C10orf67: variants seen among roughly 807,000 people sequenced by gnomAD.
C10orf67 encodes the protein chromosome 10 open reading frame 67.
In C10orf67, 60 loss-of-function variants were observed where a neutral mutation model predicts 35.6. That is an observed-to-expected ratio of 1.68 (90% CI 1.37 to 2.09). The LOEUF is 2.09. C10orf67 is among the 30% of genes most tolerant of loss of function. The probability of loss-of-function intolerance (pLI) is 0.00; values close to 1 mark genes in which losing one functional copy is unlikely to be tolerated. For synonymous variants in C10orf67, 167 were observed against 115.8 expected, an observed-to-expected ratio of 1.44 and a Z score of -2.84; for missense variants, 474 against 330.2, an observed-to-expected ratio of 1.44 and a Z score of -3.38.
intron 1 of C10orf67, 39 bp downstream of exon 1, chr10:23,344,530 C>A (rs949486639): frequency 2.6e-6 from 4 of 1,544,726 alleles, no homozygotes; most frequent in Middle Eastern, 2.3e-4. Flanking sequence ...CTGGACCCTG[C>A]TCGCTTCCTC....
intron 10 of C10orf67, among the ~76,000 whole-genome samples, chr10:23,256,517 T>C (rs1330168853): frequency 1.3e-5 from 2 of 152,222 alleles, no homozygotes; most frequent in South Asian, 2.1e-4. Context: ...GAACAGTTCA[T>C]AGGTCTCGTC....
intron 15 of C10orf67, among the ~76,000 whole-genome samples, chr10:23,207,003 G>C (rs921304286): frequency 6.6e-6 from 1 of 152,196 alleles, no homozygotes; most frequent in Non-Finnish European, 1.5e-5. Flanking sequence ...AGAAAGCACT[G>C]TCATCTGATG....
intron 2 of C10orf67, among the ~76,000 whole-genome samples, chr10:23,328,093 T>C (rs559601156): frequency 6.6e-6 from 1 of 152,240 alleles, no homozygotes; most frequent in South Asian, 2.1e-4. Flanking sequence ...AAAAATACTA[T>C]ATTTCAAAGT....
intron 8 of C10orf67, among the ~76,000 whole-genome samples, chr10:23,277,756 G>T (rs115646667): frequency 7.6e-4 from 116 of 152,024 alleles, no homozygotes; most frequent in African/African-American, 2.7e-3. Flanking sequence ...TTCATATATG[G>T]TAAATATCAA....
chr10:23,251,871 G>A (rs1842463685), intron 10 of C10orf67, among the ~76,000 whole-genome samples: 1 of 152,166 alleles, frequency 6.6e-6, no homozygotes, highest in African/African-American at 2.4e-5. Context: ...ATTTTCTGCA[G>A]CTTTGAGAAA....
At chr10:23,274,234 C>T (rs373864819) in intron 8 of C10orf67, among the ~76,000 whole-genome samples, 2 of 152,256 alleles carry the variant, frequency 1.3e-5, no homozygotes, top group South Asian at 2.1e-4. Flanking sequence ...AGGTCCATGT[C>T]CCGCTGGGCA....
chr10:23,244,439 G>A (rs1842262886), intron 12 of C10orf67, among the ~76,000 whole-genome samples: 1 of 151,792 alleles, frequency 6.6e-6, no homozygotes, highest in African/African-American at 2.4e-5. Flanking sequence ...AAATTAGAAG[G>A]AAACAAGATA....
intron 7 of C10orf67, 127 bp downstream of exon 7, chr10:23,289,773 G>A: frequency 1.7e-6 from 1 of 590,858 alleles, no homozygotes. Flanking sequence ...AAATAGTGGG[G>A]AGAGATTAAA....
At chr10:23,333,297 G>T (rs896885641) in intron 1 of C10orf67, 115 bp from the exon 2 acceptor site, 3 of 921,000 alleles carry the variant, frequency 3.3e-6, no homozygotes, top group Non-Finnish European at 3.2e-6. Context: ...CTAAGAGGTT[G>T]GTGAGGTGAG....
At chr10:23,290,066 A>G in intron 6 of C10orf67, 108 bp from the exon 7 acceptor site, 1 of 655,246 alleles carries the variant, frequency 1.5e-6, no homozygotes, top group South Asian at 1.8e-5. Flanking sequence ...GGCATAGTGG[A>G]CACAAGGCCT....
intron 8 of C10orf67, among the ~76,000 whole-genome samples, chr10:23,274,551 A>G (rs1002797781): frequency 5.3e-5 from 8 of 152,188 alleles, no homozygotes; most frequent in African/African-American, 1.7e-4. Flanking sequence ...CCCTGCAGGA[A>G]GAAAAATATG....
At chr10:23,318,916 T>C in intron 4 of C10orf67, 1 of 777,384 alleles carries the variant, frequency 1.3e-6, no homozygotes, top group Non-Finnish European at 2.4e-6. Flanking sequence ...GGTTTCACAG[T>C]GGCTGCAGCA....
intron 10 of C10orf67, among the ~76,000 whole-genome samples, chr10:23,259,451 T>C (rs1799468428): frequency 6.6e-6 from 1 of 152,032 alleles, no homozygotes; most frequent in African/African-American, 2.4e-5. Flanking sequence ...TTTCCTAGCT[T>C]GCAAAAAGTG....
Position 23,318,764 on chromosome 10 carries a change from G to C in C10orf67, c.546+1977C>G, listed in dbSNP as rs1564509684. 4.6e-6 allele frequency: 3 copies of C among 653,110 alleles called. No homozygotes were observed. In the East Asian group the frequency reaches 8.2e-5, roughly 18 times the overall value. 40.5% of individuals were successfully genotyped at this position (653,110 alleles called of 1,614,324 possible). A position where few individuals can be genotyped will look rare whatever the true frequency, so the allele number is the denominator to read the frequency against. On this transcript the variant is annotated intron_variant, in intron 4 of 15. Coordinates refer to ENST00000636213, the MANE Select transcript of C10orf67 (RefSeq NM_001371909.1). ...AACTAACAGTGGCTTAGACACTGAG[G>C]GGTTGTTATCTCATGAATAAGAGGC...
In C10orf67 at chr10:23,320,706, T is replaced by C. The variant is rs919348162; in HGVS notation, c.546+35A>G. 2.4e-5 allele frequency: 36 copies of C among 1,520,384 alleles called. 1 individual carries two copies. Among genetic ancestry groups the C allele is most frequent in the Non-Finnish European group, 3.0e-5 (33 of 1,112,808 alleles). The allele number at this position is 1,520,384 out of a possible 1,614,324, so 94.2% of individuals were successfully genotyped here. A position where few individuals can be genotyped will look rare whatever the true frequency, so the allele number is the denominator to read the frequency against. On this transcript the variant is annotated intron_variant, in intron 4 of 15. Transcript: ENST00000636213. ...TGCACACAGCAGCTGAAGCTAGCCT[T>C]GCCCACAACTACGGCACCAGAAACA... is the stretch of plus-strand genomic sequence containing the variant.
At chr10:23,237,982 T>C (rs1330070315) in intron 13 of C10orf67, among the ~76,000 whole-genome samples, 6 of 152,226 alleles carry the variant, frequency 3.9e-5, no homozygotes, top group Admixed American at 3.3e-4. Context: ...TTATCCAAAT[T>C]TATAATTTAA....
intron 3 of C10orf67, among the ~76,000 whole-genome samples, 192 bp from the exon 4 acceptor site, chr10:23,321,007 A>G (rs1464925591): frequency 6.6e-6 from 1 of 152,224 alleles, no homozygotes; most frequent in African/African-American, 2.4e-5. Context: ...CTCAACCAAA[A>G]GCAATAGAGA....
chr10:23,301,317 C>A (rs575721419), intron 5 of C10orf67, among the ~76,000 whole-genome samples: 29 of 152,232 alleles, frequency 1.9e-4, no homozygotes, highest in Middle Eastern at 3.4e-3. Context: ...AGACCAATAT[C>A]CCCAACCCAG....
chr10:23,323,092 A>G (rs558741069), intron 2 of C10orf67, among the ~76,000 whole-genome samples: 374 of 152,308 alleles, frequency 2.5e-3, no homozygotes, highest in African/African-American at 8.7e-3. Context: ...GGACTAAAAG[A>G]CAAGAGTTTC....
Sources: allele counts gnomAD v4.1 joint callset (sites outside exome capture counted in the v4.1 genomes callset), GRCh38; gene constraint gnomAD v4.1.1; transcripts MANE v1.5; gene names NCBI Gene and HGNC (gene_info 2026-07-23, HGNC 2026-07-21).